Variants in SCAP observed in about 807,000 individuals in gnomAD.
The protein encoded by SCAP is SREBF chaperone, also known as sterol regulatory element-binding protein cleavage-activating protein.
In SCAP, 65 loss-of-function variants were observed where a neutral mutation model predicts 123.6. The ratio of observed to expected loss-of-function variants is 0.53; its 90% CI spans 0.43 to 0.65. The LOEUF is 0.65. Ranked by LOEUF, SCAP falls within the 30% of genes least tolerant of loss-of-function variation. The probability of loss-of-function intolerance (pLI) is 0.00; values close to 1 mark genes in which losing one functional copy is unlikely to be tolerated. For synonymous variants in SCAP, 740 were observed against 726.3 expected, an observed-to-expected ratio of 1.02 and a Z score of -0.30; for missense variants, 1,398 against 1,712.5, an observed-to-expected ratio of 0.82 and a Z score of 3.24.
In SCAP at chr3:47,417,471, G is replaced by A; in HGVS notation, c.2803C>T (p.Pro935Ser). ...LAAVCTPALR[P>S]PSPGPVLSQA... ...GACAGCACCGGCCCAGGCGAGGGTG[G>A]GCGCAGGGCTGGTGTGCAGACGGCC... The change falls in exon 17 of 23, where the codon CCA (proline) becomes TCA (serine). Residue 935 changes from proline (P) to serine (S), a missense_variant. Coordinates refer to ENST00000265565, the MANE Select transcript of SCAP (RefSeq NM_012235.4). 1.3e-6 allele frequency: 2 copies of A among 1,550,738 alleles called. No homozygotes were observed. The highest frequency in any genetic ancestry group is 1.2e-5 in the South Asian group (1 of 84,254).
chr3:47,452,747 C>G (rs563639796), intron 1 of SCAP, among the ~76,000 whole-genome samples: 20 of 152,182 alleles, frequency 1.3e-4, no homozygotes, highest in South Asian at 4.1e-4. Flanking sequence ...CAAGAGTTGC[C>G]TAAGTCAACT....
chr3:47,430,687 A>G (rs1706320890), intron 3 of SCAP, among the ~76,000 whole-genome samples: 1 of 152,248 alleles, frequency 6.6e-6, no homozygotes, highest in Non-Finnish European at 1.5e-5. Flanking sequence ...ACCTGATGAA[A>G]GCAGTGCTCT....
intron 1 of SCAP, among the ~76,000 whole-genome samples, chr3:47,461,405 A>G (rs1160529198): frequency 6.6e-6 from 1 of 152,244 alleles, no homozygotes; most frequent in African/African-American, 2.4e-5. Flanking sequence ...TAACAGGACA[A>G]CTGTGGACTG....
intron 13 of SCAP, 26 bp from the exon 14 acceptor site, chr3:47,418,869 A>C: frequency 1.3e-6 from 2 of 1,495,328 alleles, no homozygotes; most frequent in Non-Finnish European, 1.8e-6. Context: ...GGGCAGCCTC[A>C]GCGGGGGGCC....
chr3:47,428,637 T>C lies in SCAP; in HGVS notation c.286A>G (p.Ile96Val), dbSNP rs146306620. 99 of 1,614,028 alleles carry C rather than the reference T, an allele frequency of 6.1e-5. No individual in the cohort carries two copies. In the East Asian group the frequency reaches 2.2e-3, roughly 36 times the overall value. Residue 96 changes from isoleucine to valine, a missense_variant, in exon 4 of 23, where the codon ATA becomes GTA. Around this residue, in one of 7 missense-constraint regions of SCAP, gnomAD observed 319 missense variants for 432.4 expected, o/e 0.74. Transcript: ENST00000265565. ...VGAPVAYVQQIFVKSSVFPWH... is the reference protein window; with the variant it reads ...VGAPVAYVQQVFVKSSVFPWH... ...GGAAACACTGAGGACTTCACAAATA[T>C]CTGCTGGACATAAGCCACCGGGGCA...
intron 2 of SCAP, among the ~76,000 whole-genome samples, chr3:47,440,663 G>A (rs1184874018): frequency 6.6e-6 from 1 of 152,202 alleles, no homozygotes; most frequent in African/African-American, 2.4e-5. Context: ...GAGCTCAGGA[G>A]TTTGAGACCA....
In SCAP at chr3:47,417,224, T is replaced by G. The variant is rs755999998; in HGVS notation, c.2971-17A>C. ...GTCCCACACCTACGAGTCCAGAGGCTGTGAGCACCTGCCAGCCAGAAAGGC... is the reference window on the plus strand; with the variant it reads ...GTCCCACACCTACGAGTCCAGAGGCGGTGAGCACCTGCCAGCCAGAAAGGC... On this transcript the variant is annotated splice_polypyrimidine_tract_variant and intron_variant, in intron 17 of 22. Coordinates refer to ENST00000265565, the MANE Select transcript of SCAP (RefSeq NM_012235.4). The G allele has an allele frequency of 2.5e-6, 4 of 1,612,792 alleles. No individual in the cohort carries two copies. Among genetic ancestry groups the G allele is most frequent in the South Asian group, 2.2e-5 (2 of 91,082 alleles).
chr3:47,448,090 C>T (rs1350450048), intron 1 of SCAP, among the ~76,000 whole-genome samples: 1 of 145,818 alleles, frequency 6.9e-6, no homozygotes, highest in East Asian at 2.1e-4. Context: ...TTGCAAAGAA[C>T]TGGCATGTTG....
At chr3:47,469,975 T>C (rs1559573752) in intron 1 of SCAP, 1 of 342,020 alleles carries the variant, frequency 2.9e-6, no homozygotes, top group Non-Finnish European at 6.0e-6. Context: ...AAAGAAATGC[T>C]TTTAAATTAA....
chr3:47,466,136 C>CAAAAAAAAAAAAA (rs1169935544), intron 1 of SCAP, among the ~76,000 whole-genome samples: 1 of 96,116 alleles, frequency 1.0e-5, no homozygotes, highest in African/African-American at 4.3e-5. Flanking sequence ...TCTTAAAAAC[C>CAAAAAAAAAAAAA]AAAAAAAAAA....
At chr3:47,414,770 C>A in intron 20 of SCAP, 57 bp downstream of exon 20, 1 of 1,601,318 alleles carries the variant, frequency 6.2e-7, no homozygotes, top group Non-Finnish European at 8.5e-7. Flanking sequence ...ACGAATGCAT[C>A]AGGCTCCCAC....
chr3:47,417,644 A>G lies in SCAP; in HGVS notation c.2630T>C (p.Ile877Thr). 1.2e-6 allele frequency: 2 copies of G among 1,609,330 alleles called. No individual in the cohort carries two copies. The highest frequency in any genetic ancestry group is 8.5e-7 in the Non-Finnish European group (1 of 1,178,682). The change falls in exon 17 of 23, where the codon ATT becomes ACT. Residue 877 changes from isoleucine to threonine, a missense_variant. By Grantham distance (89) the Ile-to-Thr change is moderately conservative (BLOSUM62 -1). This residue lies in a region of SCAP where 828 missense variants were observed against 882.5 expected (regional missense o/e 0.94). Transcript: ENST00000265565. Reference protein sequence around the residue: ...FGDQPDLTCLIDTNFSAQPRS... With the variant: ...FGDQPDLTCLTDTNFSAQPRS... ...AGGCTGCGCTGAAAAGTTGGTGTCA[A>G]TTAAGCAGGTGAGGTCAGGCTGGTC...
rs749661015 is a variant in SCAP, at chr3:47,427,444, T to A, written c.631+3A>T. 14 of 1,613,920 alleles carry A rather than the reference T, an allele frequency of 8.7e-6. No homozygotes were observed. The highest frequency in any genetic ancestry group is 1.1e-5 in the Non-Finnish European group (13 of 1,179,886). On this transcript the variant is annotated splice_donor_region_variant and intron_variant, in intron 5 of 22. Transcript: ENST00000265565. Reference sequence around the variant, plus strand: ...GTCTGAAGGGAACTTGTACTGGGGCTACCTTTGAGTGTGGCTGAAGTCTGC... The same window carrying A: ...GTCTGAAGGGAACTTGTACTGGGGCAACCTTTGAGTGTGGCTGAAGTCTGC...
At chr3:47,425,297 T>C (rs777474568) in intron 8 of SCAP, 188 bp downstream of exon 8, 1 of 652,442 alleles carries the variant, frequency 1.5e-6, no homozygotes, top group Non-Finnish European at 2.5e-6. Context: ...AGATATGCTA[T>C]ATACAAACAC....
intron 1 of SCAP, among the ~76,000 whole-genome samples, chr3:47,462,771 A>G (rs4858816): frequency 0.17 from 24,759 of 142,450 alleles, 2,335 homozygotes; most frequent in East Asian, 0.2. Flanking sequence ...AAAAAAAAAA[A>G]AAAGAAAGAA....
intron 1 of SCAP, among the ~76,000 whole-genome samples, chr3:47,450,947 C>T (rs1413916198): frequency 8.2e-6 from 1 of 121,840 alleles, no homozygotes; most frequent in African/African-American, 2.8e-5. Flanking sequence ...AATTCCTGGA[C>T]GCAGTCCTCC....
chr3:47,414,478 T>A, intron 21 of SCAP, 92 bp from the exon 22 acceptor site: 1 of 1,598,342 alleles, frequency 6.3e-7, no homozygotes, highest in Non-Finnish European at 8.6e-7. Context: ...GGGCCCTGAC[T>A]GCTTCCTGGA....
At chr3:47,473,385 A>C (rs1311422835) in intron 1 of SCAP, among the ~76,000 whole-genome samples, 1 of 152,184 alleles carries the variant, frequency 6.6e-6, no homozygotes, top group Non-Finnish European at 1.5e-5. Context: ...GCAAAAGACG[A>C]CACCTGAACC....
intron 10 of SCAP, among the ~76,000 whole-genome samples, chr3:47,421,588 T>TAG (rs1705902431): frequency 1.3e-5 from 2 of 152,270 alleles, no homozygotes; most frequent in Admixed American, 1.3e-4. Flanking sequence ...TTGAGACCTC[T>TAG]AGCACATCAC....
Sources: allele counts gnomAD v4.1 joint callset (sites outside exome capture counted in the v4.1 genomes callset), GRCh38; gene constraint gnomAD v4.1.1; regional missense constraint gnomAD v4.1.1; transcripts MANE v1.5; gene names NCBI Gene and HGNC (gene_info 2026-07-23, HGNC 2026-07-21).